The following CSMD1 variants were observed in gnomAD, a reference collection of about 807,000 sequenced individuals.
The protein encoded by CSMD1 is CUB and Sushi multiple domains 1.
In CSMD1, 213 loss-of-function variants were observed where a neutral mutation model predicts 417.5. The ratio of observed to expected loss-of-function variants is 0.51; its 90% CI spans 0.46 to 0.57. The LOEUF is 0.57. Ranked by LOEUF, CSMD1 falls within the 20% of genes least tolerant of loss-of-function variation. The pLI, the probability that CSMD1 is intolerant of heterozygous loss-of-function variation, is 0.00. For missense variants in CSMD1, 6,923 were observed against 4,529.7 expected (o/e 1.53, Z -15.17); for synonymous variants, 2,862 against 1,736.8 (o/e 1.65, Z -16.11).
chr8:3,368,619 G>T (rs138526497), intron 19 of CSMD1, among the ~76,000 whole-genome samples: 1 of 152,130 alleles, frequency 6.6e-6, no homozygotes, highest in South Asian at 2.1e-4. Context: ...GATTACAAGC[G>T]TGAGTCACTT....
intron 51 of CSMD1, among the ~76,000 whole-genome samples, chr8:3,022,653 G>A (rs533372206): frequency 6.7e-6 from 1 of 148,514 alleles, no homozygotes; most frequent in Non-Finnish European, 1.5e-5. Context: ...AAACTCAAGA[G>A]TAGGTCTTTT....
intron 3 of CSMD1, among the ~76,000 whole-genome samples, chr8:4,377,128 CTTTA>C (rs998695786): frequency 4.6e-5 from 7 of 152,144 alleles, no homozygotes; most frequent in Admixed American, 2.0e-4. Context: ...GCCATTTCTC[CTTTA>C]TTTTTCATTT....
At position 4,982,642 on chromosome 8, in the gene CSMD1, T is replaced by C. The variant is rs1224593275; in HGVS notation, c.85+11690A>G. On this transcript the variant is annotated intron_variant, in intron 1 of 69. Coordinates refer to ENST00000635120, the MANE Select transcript of CSMD1 (RefSeq NM_033225.6). ...AAGAAATGATAGTCACTTCAACTTG[T>C]CATATAACACTTTACAGTATTTTTA... Among the ~76,000 whole-genome samples the C allele has an allele frequency of 2.6e-5, 4 of 152,222 alleles. No homozygotes were observed. In the East Asian group the frequency reaches 5.8e-4, roughly 22 times the overall value.
chr8:3,384,639 T>C (rs1015806350), intron 18 of CSMD1, among the ~76,000 whole-genome samples: 8 of 141,450 alleles, frequency 5.7e-5, no homozygotes, highest in African/African-American at 2.1e-4. Flanking sequence ...TATTTATATA[T>C]TGCTATATAC....
intron 2 of CSMD1, among the ~76,000 whole-genome samples, chr8:4,504,696 T>C (rs1229890984): frequency 6.6e-6 from 1 of 152,154 alleles, no homozygotes; most frequent in African/African-American, 2.4e-5. Context: ...TGTGTTCTCA[T>C]TGTTCAACTC....
intron 11 of CSMD1, among the ~76,000 whole-genome samples, chr8:3,490,360 G>A (rs956477182): frequency 3.3e-5 from 5 of 152,098 alleles, no homozygotes; most frequent in Admixed American, 6.6e-5. Flanking sequence ...ACAACAAATA[G>A]CATTAAAAAA....
chr8:3,480,598 T>C (rs1817686980), intron 11 of CSMD1, among the ~76,000 whole-genome samples: 1 of 151,946 alleles, frequency 6.6e-6, no homozygotes, highest in East Asian at 1.9e-4. Context: ...TAAGTTAACC[T>C]CTCAAAAATA....
chr8:3,761,114 G>A (rs986913460), intron 5 of CSMD1, among the ~76,000 whole-genome samples: 1 of 152,108 alleles, frequency 6.6e-6, no homozygotes, highest in Non-Finnish European at 1.5e-5. Flanking sequence ...CACATTGTAA[G>A]TGAAATCATT....
chr8:4,733,737 G>T (rs1400393025), intron 1 of CSMD1, among the ~76,000 whole-genome samples: 1 of 152,132 alleles, frequency 6.6e-6, no homozygotes, highest in Non-Finnish European at 1.5e-5. Context: ...AGGAACCCAT[G>T]AAAGTAAAAC....
chr8:3,139,419 A>G (rs1483999010), intron 41 of CSMD1, among the ~76,000 whole-genome samples: 1 of 152,206 alleles, frequency 6.6e-6, no homozygotes, highest in Non-Finnish European at 1.5e-5. Context: ...GCCAAGGGAA[A>G]AGGGCGTCAA....
chr8:3,090,585 C>T (rs1015042319), intron 48 of CSMD1, among the ~76,000 whole-genome samples: 12 of 152,098 alleles, frequency 7.9e-5, no homozygotes, highest in African/African-American at 2.9e-4. Flanking sequence ...TGTTTTAACA[C>T]TGTTTCCTGG....
Position 4,143,883 on chromosome 8 carries a change from G to T in CSMD1, c.416-111784C>A, listed in dbSNP as rs6982149. Among the ~76,000 whole-genome samples, 10 of 150,816 alleles carry T rather than the reference G, an allele frequency of 6.6e-5. 1 individual carries two copies. Among genetic ancestry groups the T allele is most frequent in the African/African-American group, 2.5e-4 (10 of 40,198 alleles). ...CTCAGTTACCCCTTATCTGGATGAA[G>T]AATTTGGTCCCTGGCTAATTAAAGG... On this transcript the variant is annotated intron_variant, in intron 3 of 69. Coordinates refer to ENST00000635120, the MANE Select transcript of CSMD1 (RefSeq NM_033225.6).
intron 5 of CSMD1, among the ~76,000 whole-genome samples, chr8:3,884,530 G>A (rs1295315867): frequency 6.6e-6 from 1 of 152,146 alleles, no homozygotes; most frequent in Non-Finnish European, 1.5e-5. Context: ...TCCCAACACT[G>A]CAGTCACTCA....
intron 3 of CSMD1, among the ~76,000 whole-genome samples, chr8:4,359,856 G>C (rs1447004563): frequency 6.6e-6 from 1 of 152,230 alleles, no homozygotes; most frequent in African/African-American, 2.4e-5. Flanking sequence ...CTCAGTGCAA[G>C]TCCAGAGACA....
At chr8:3,274,641 G>C (rs927143848) in intron 26 of CSMD1, among the ~76,000 whole-genome samples, 1 of 152,156 alleles carries the variant, frequency 6.6e-6, no homozygotes, top group Non-Finnish European at 1.5e-5. Context: ...ATTTAGGATA[G>C]TTAGCCCTTC....
intron 7 of CSMD1, among the ~76,000 whole-genome samples, chr8:3,666,977 C>A (rs949817727): frequency 5.3e-5 from 8 of 152,152 alleles, no homozygotes; most frequent in Non-Finnish European, 8.8e-5. Context: ...ATTGTAAGAG[C>A]TCGAATTTTA....
chr8:3,943,549 A>T (rs922028863), intron 5 of CSMD1, among the ~76,000 whole-genome samples: 1 of 152,080 alleles, frequency 6.6e-6, no homozygotes, highest in African/African-American at 2.4e-5. Flanking sequence ...GAATCTCTCA[A>T]AAAATATGTA....
intron 3 of CSMD1, among the ~76,000 whole-genome samples, chr8:4,379,946 A>C (rs1351879462): frequency 6.6e-6 from 1 of 152,220 alleles, no homozygotes; most frequent in South Asian, 2.1e-4. Flanking sequence ...CACTCTGGAG[A>C]TGGAAGAGTC....
At chr8:3,416,737 AC>A (rs1813176101) in intron 12 of CSMD1, among the ~76,000 whole-genome samples, 1 of 152,146 alleles carries the variant, frequency 6.6e-6, no homozygotes, top group East Asian at 1.9e-4. Context: ...CTGTACATGG[AC>A]ACAAGACAGC....
Sources: allele counts gnomAD v4.1 joint callset (sites outside exome capture counted in the v4.1 genomes callset), GRCh38; gene constraint gnomAD v4.1.1; transcripts MANE v1.5; gene names NCBI Gene and HGNC (gene_info 2026-07-23, HGNC 2026-07-21).